The following ZFP69 variants were observed in gnomAD, a reference collection of about 807,000 sequenced individuals.
The protein encoded by ZFP69 is zinc finger protein 69 homolog.
A neutral mutation model predicts 48.9 loss-of-function variants in ZFP69; 35 were observed. The observed-to-expected ratio is 0.72, with a 90% confidence interval of 0.55 to 0.95. ZFP69 has a LOEUF of 0.95. ZFP69 is among the 40% of genes least tolerant of loss of function. The pLI is 0.00. For synonymous variants in ZFP69, 193 were observed against 216.8 expected, an observed-to-expected ratio of 0.89 and a Z score of 0.96; for missense variants, 557 against 638.4, an observed-to-expected ratio of 0.87 and a Z score of 1.37.
rs905588778 is a variant in ZFP69 at position 40,479,365 on chromosome 1, C to T, written c.4C>T (p.Pro2Ser). The change falls in exon 2 of 6, where the codon CCA (proline) becomes TCA (serine). Residue 2 changes from proline (P) to serine (S), a missense_variant. By Grantham distance (74) the Pro-to-Ser change is moderately conservative. Transcript: ENST00000372706. ...CAAGTCCAGTAAGGCAGGCATCATG[C>T]CACAGCAGCTCCTGATCACCCTGCC... M[P>S]QQLLITLPTE... 1 of 1,613,560 alleles carries T rather than the reference C, an allele frequency of 6.2e-7. No individual in the cohort carries two copies. Among genetic ancestry groups the T allele is most frequent in the African/African-American group, 1.3e-5 (1 of 74,908 alleles).
chr1:40,494,849 ATTG>A, intron 5 of ZFP69, 69 bp from the exon 6 acceptor site: 8 of 1,332,148 alleles, frequency 6.0e-6, no homozygotes, highest in South Asian at 1.4e-5. Context: ...ACTTATCCAT[ATTG>A]TTGTCTAAAT....
At chr1:40,494,638 A>G (rs1441793380) in intron 5 of ZFP69, among the ~76,000 whole-genome samples, 4 of 146,940 alleles carry the variant, frequency 2.7e-5, no homozygotes, top group African/African-American at 4.9e-5. Flanking sequence ...TATACATTAT[A>G]TATAAAATAT....
At chr1:40,478,213 C>T (rs1366228022) in intron 1 of ZFP69, among the ~76,000 whole-genome samples, 1 of 152,072 alleles carries the variant, frequency 6.6e-6, no homozygotes, top group Non-Finnish European at 1.5e-5. Context: ...GCTCCCTTCC[C>T]ACGTAGCTCC....
chr1:40,494,632 CA>C (rs2124463940), intron 5 of ZFP69, among the ~76,000 whole-genome samples: 1 of 145,054 alleles, frequency 6.9e-6, no homozygotes, highest in Non-Finnish European at 1.5e-5. Flanking sequence ...ATAAAATATA[CA>C]TTATATATAA....
rs1645629465 is a variant in ZFP69, at chr1:40,495,941, A to G, written c.1463A>G (p.His488Arg). 1 of 1,614,048 alleles carries G rather than the reference A, an allele frequency of 6.2e-7. No homozygotes were observed. The highest frequency in any genetic ancestry group is 1.3e-5 in the African/African-American group (1 of 74,928). The stretch of plus-strand genomic sequence containing the variant: ...TCATCCTTTAAAAAACATCAGAGAC[A>G]TCACACTGGAGAAAAACCTTACGAA... ...HDSSFKKHQR[H>R]HTGEKPYECN... Residue 488 changes from histidine (H) to arginine (R), a missense_variant, in exon 6 of 6, where the codon CAT (histidine) becomes CGT (arginine). His to Arg is a conservative substitution (Grantham distance 29). Transcript: ENST00000372706.
chr1:40,490,877 C>T (rs886806253), intron 5 of ZFP69: 3 of 152,112 alleles, frequency 2.0e-5, no homozygotes, highest in African/African-American at 7.2e-5. Context: ...GCTTTTTATT[C>T]TGAAATATTT....
intron 3 of ZFP69, among the ~76,000 whole-genome samples, chr1:40,483,798 C>T (rs1207143209): frequency 1.3e-5 from 2 of 152,054 alleles, no homozygotes; most frequent in African/African-American, 4.8e-5. Context: ...CTTAAGTGGC[C>T]GGGCATGGTG....
chr1:40,484,739 G>A (rs867279446), intron 3 of ZFP69, among the ~76,000 whole-genome samples: 1 of 151,294 alleles, frequency 6.6e-6, no homozygotes. Flanking sequence ...CACCACACCC[G>A]GCTAATTTTT....
rs1367964089 is a variant in ZFP69, at chr1:40,492,083, G to C, written c.442+2459G>C. Among the ~76,000 whole-genome samples the C allele has an allele frequency of 2.6e-5, 4 of 152,064 alleles. No individual in the cohort carries two copies. In the South Asian group the frequency reaches 8.3e-4, roughly 32 times the overall value. ...TTGCTATGTTGCCCAAGCTGGCCTCGAATTCCTGGGCTCAAGTGATTCTTC... is the reference window on the plus strand; with the variant it reads ...TTGCTATGTTGCCCAAGCTGGCCTCCAATTCCTGGGCTCAAGTGATTCTTC... On this transcript the variant is annotated intron_variant, in intron 5 of 5. Transcript: ENST00000372706.
chr1:40,489,963 GA>G (rs1645549090), intron 5 of ZFP69, among the ~76,000 whole-genome samples: 1 of 151,222 alleles, frequency 6.6e-6, no homozygotes, highest in South Asian at 2.1e-4. Flanking sequence ...TCCGCCTCTG[GA>G]GTTCAAGCGA....
At chr1:40,486,134 C>G (rs2124448455) in intron 3 of ZFP69, among the ~76,000 whole-genome samples, 1 of 152,056 alleles carries the variant, frequency 6.6e-6, no homozygotes, top group South Asian at 2.1e-4. Context: ...ACCATGTTGG[C>G]CAGGCTGGTC....
At chr1:40,488,813 A>G (rs1016946321) in intron 3 of ZFP69, among the ~76,000 whole-genome samples, 1 of 152,108 alleles carries the variant, frequency 6.6e-6, no homozygotes, top group Non-Finnish European at 1.5e-5. Context: ...AATGTCTCTT[A>G]TCCTGCTTAA....
At position 40,479,271 on chromosome 1, in the gene ZFP69, C is replaced by T; in HGVS notation, c.-91C>T. 6.3e-7 allele frequency: 1 copy of T among 1,579,702 alleles called. No individual in the cohort carries two copies. The highest frequency in any genetic ancestry group is 1.1e-5 in the South Asian group (1 of 89,624). ...AGTCCTGAGGGCAGGTGATTGGAATCTGAGCAACACCCCACAACTGTGAAG... is the reference window on the plus strand; with the variant it reads ...AGTCCTGAGGGCAGGTGATTGGAATTTGAGCAACACCCCACAACTGTGAAG... On this transcript the variant is annotated 5_prime_UTR_variant, in exon 2 of 6. Coordinates refer to ENST00000372706, the MANE Select transcript of ZFP69 (RefSeq NM_001320179.2).
In ZFP69 at chr1:40,479,241, A is replaced by G; in HGVS notation, c.-121A>G. On this transcript the variant is annotated 5_prime_UTR_variant, in exon 2 of 6. Transcript: ENST00000372706. Reference sequence around the variant, plus strand: ...CCAGGTCCTGGTGCTGCAGGGACACACCAGAGTCCTGAGGGCAGGTGATTG... The same window carrying G: ...CCAGGTCCTGGTGCTGCAGGGACACGCCAGAGTCCTGAGGGCAGGTGATTG... 1 of 1,365,154 alleles carries G rather than the reference A, an allele frequency of 7.3e-7. No individual in the cohort carries two copies. Among genetic ancestry groups the G allele is most frequent in the Non-Finnish European group, 1.0e-6 (1 of 970,454 alleles). The allele number at this position is 1,365,154 out of a possible 1,614,324, so 84.6% of individuals were successfully genotyped here. A position where few individuals can be genotyped will look rare whatever the true frequency, so the allele number is the denominator to read the frequency against.
chr1:40,484,356 C>T (rs1645473853), intron 3 of ZFP69, among the ~76,000 whole-genome samples: 1 of 151,808 alleles, frequency 6.6e-6, no homozygotes, highest in Admixed American at 6.6e-5. Flanking sequence ...CCTGCCACCA[C>T]ACCTGGCTAA....
chr1:40,485,375 TGAAA>T (rs1344512023), intron 3 of ZFP69, among the ~76,000 whole-genome samples: 2 of 152,264 alleles, frequency 1.3e-5, no homozygotes, highest in East Asian at 1.9e-4. Flanking sequence ...ACATATCATA[TGAAA>T]GACTTACGTT....
At position 40,495,067 on chromosome 1, in the gene ZFP69, G is replaced by A; in HGVS notation, c.589G>A (p.Val197Ile). The change falls in exon 6 of 6, where the codon GTC becomes ATC. Residue 197 changes from valine (V) to isoleucine (I), a missense_variant. Transcript: ENST00000372706. ...TLRKVSTYDD[V>I]LERHQETCMR... ...GAGAAAAGTCTCCACATATGATGAT[G>A]TCTTAGAAAGGCACCAGGAAACTTG... 1.2e-6 allele frequency: 2 copies of A among 1,614,014 alleles called. No individual in the cohort carries two copies. The highest frequency in any genetic ancestry group is 1.7e-6 in the Non-Finnish European group (2 of 1,180,006).
chr1:40,495,645 G>T lies in ZFP69; in HGVS notation c.1167G>T (p.Gly389=). The T allele has an allele frequency of 6.2e-7, 1 of 1,614,210 alleles. No individual in the cohort carries two copies. ...GEKPFTCNEC[G]KTFRQIRHLS... is the part of the protein sequence containing the mutation. ...AACCTTTTACTTGCAATGAATGTGG[G>T]AAAACCTTTAGACAGATTAGACACC... The change falls in exon 6 of 6, where the codon GGG becomes GGT. Residue 389 remains glycine (G), a synonymous_variant. Coordinates refer to ENST00000372706, the MANE Select transcript of ZFP69 (RefSeq NM_001320179.2).
chr1:40,487,305 A>C lies in ZFP69; in HGVS notation c.220-1783A>C, dbSNP rs1645511373. Among the ~76,000 whole-genome samples, 5 of 152,264 alleles carry C rather than the reference A, an allele frequency of 3.3e-5. No individual in the cohort carries two copies. The South Asian group carries it at 1.0e-3, about 32-fold the overall frequency. On this transcript the variant is annotated intron_variant, in intron 3 of 5. Transcript: ENST00000372706. ...CTTTTTTCAATAAATATATTGAAAC[A>C]TTTTTTGGAGATTTGTGACAATTTG...
Sources: allele counts gnomAD v4.1 joint callset (sites outside exome capture counted in the v4.1 genomes callset), GRCh38; gene constraint gnomAD v4.1.1; transcripts MANE v1.5; gene names NCBI Gene and HGNC (gene_info 2026-07-23, HGNC 2026-07-21).